Variants in KIRREL3 observed in about 807,000 individuals in gnomAD.
The protein encoded by KIRREL3 is kin of IRRE-like protein 3.
In KIRREL3, 36 loss-of-function variants were observed where a neutral mutation model predicts 89.7. The observed-to-expected ratio is 0.40, with a 90% confidence interval of 0.31 to 0.53. The LOEUF (loss-of-function observed/expected upper bound fraction) is 0.53, where lower values mean the gene tolerates loss of function less well. KIRREL3 is among the 20% of genes least tolerant of loss of function. KIRREL3 has a pLI of 0.49. For synonymous variants in KIRREL3, 445 were observed against 441.4 expected (o/e 1.01, Z -0.10); for missense variants, 864 against 1,056.6 (o/e 0.82, Z 2.53).
At chr11:127,002,472 C>CA (rs1173433237), upstream of KIRREL3, among the ~76,000 whole-genome samples, 1 of 152,168 alleles carries the variant, frequency 6.6e-6, no homozygotes, top group Non-Finnish European at 1.5e-5. Flanking sequence ...TGTAACAGAT[C>CA]ATGCAATAAA....
chr11:126,960,734 AT>A (rs373684901), intron 1 of KIRREL3, among the ~76,000 whole-genome samples: 30 of 151,054 alleles, frequency 2.0e-4, no homozygotes, highest in Middle Eastern at 3.5e-3. Flanking sequence ...TTATCAATGT[AT>A]TTTTTTTTCA....
At chr11:126,539,917 C>T (rs968722015) in intron 2 of KIRREL3, among the ~76,000 whole-genome samples, 1 of 152,210 alleles carries the variant, frequency 6.6e-6, no homozygotes, top group Non-Finnish European at 1.5e-5. Flanking sequence ...GTTGTTGTGA[C>T]TATCTAAGAG....
rs71048799 is a variant in KIRREL3 at position 126,692,544 on chromosome 11, CAAAAAAAAAAAAAAA to C, written c.56-129647_56-129633del. Among the ~76,000 whole-genome samples, 224 of 42,694 alleles carry C rather than the reference CAAAAAAAAAAAAAAA, an allele frequency of 5.2e-3. 3 individuals carry two copies. The highest frequency in any genetic ancestry group is 0.024 in the African/African-American group (215 of 8,922). The allele number at this position is 42,694 out of a possible 152,430, so 28.0% of individuals were successfully genotyped here. A position where few individuals can be genotyped will look rare whatever the true frequency, so the allele number is the denominator to read the frequency against. On this transcript the variant is annotated intron_variant, in intron 1 of 16. Coordinates refer to ENST00000525144, the MANE Select transcript of KIRREL3 (RefSeq NM_032531.4). ...TGGGTGACAGACCAAGACTCTGTCT[CAAAAAAAAAAAAAAA>C]AAAAAAAAAAAAAGGAGGTGGAAAC... is the stretch of plus-strand genomic sequence containing the variant.
rs1958510752 is a variant in KIRREL3, at chr11:126,519,118, C to G, written c.433+2197G>C. On this transcript the variant is annotated intron_variant, in intron 4 of 16. Coordinates refer to ENST00000525144, the MANE Select transcript of KIRREL3 (RefSeq NM_032531.4). The surrounding 1 kb of genome is among the most constrained non-coding windows in gnomAD (Gnocchi z 4.3). ...ATCTCCAGACTTGAATAAAACATCT[C>G]CCCCATACAAACCCAGCTCTGTGCC... Among the ~76,000 whole-genome samples, 1 of 152,214 alleles carries G rather than the reference C, an allele frequency of 6.6e-6. No individual in the cohort carries two copies. Among genetic ancestry groups the G allele is most frequent in the Non-Finnish European group, 1.5e-5 (1 of 68,032 alleles).
intron 2 of KIRREL3, among the ~76,000 whole-genome samples, chr11:126,559,004 A>G (rs949332785): frequency 3.9e-5 from 6 of 152,090 alleles, no homozygotes. Flanking sequence ...CTACTTAAAG[A>G]TGTCCTGAGA....
intron 1 of KIRREL3, among the ~76,000 whole-genome samples, chr11:126,700,054 C>T (rs893197438): frequency 6.6e-6 from 1 of 151,944 alleles, no homozygotes; most frequent in African/African-American, 2.4e-5. Context: ...ATTCATTGAG[C>T]GTGGTGGCTC....
intron 1 of KIRREL3, among the ~76,000 whole-genome samples, chr11:126,593,211 T>C (rs924528972): frequency 5.3e-5 from 8 of 152,248 alleles, no homozygotes; most frequent in Non-Finnish European, 8.8e-5. Context: ...TTCAGAGCAG[T>C]TCTCCCACAG....
rs953413186 is a variant in KIRREL3 at position 126,852,953 on chromosome 11, A to G, written c.55+147502T>C. On this transcript the variant is annotated intron_variant, in intron 1 of 16. Coordinates refer to ENST00000525144, the MANE Select transcript of KIRREL3 (RefSeq NM_032531.4). The stretch of plus-strand genomic sequence containing the variant: ...GAAGCTCTTTCTGTGTCATTTGCCG[A>G]GTTCCTTGGGATGTTATTTCTCCGG... 2.0e-5 allele frequency among the ~76,000 whole-genome samples: 3 copies of G among 152,156 alleles called. No individual in the cohort carries two copies. In the East Asian group the frequency reaches 5.8e-4, roughly 29 times the overall value.
Position 126,778,263 on chromosome 11 carries a change from T to C in KIRREL3, c.56-215351A>G, listed in dbSNP as rs1184431670. Among the ~76,000 whole-genome samples, 1 of 152,196 alleles carries C rather than the reference T, an allele frequency of 6.6e-6. No homozygotes were observed. Among genetic ancestry groups the C allele is most frequent in the Non-Finnish European group, 1.5e-5 (1 of 68,024 alleles). ...TATACACCTTGTTCTGTATCTTGCTTCTTCACTTAAAAATATTTTGGAAAC... is the reference window on the plus strand; with the variant it reads ...TATACACCTTGTTCTGTATCTTGCTCCTTCACTTAAAAATATTTTGGAAAC... On this transcript the variant is annotated intron_variant, in intron 1 of 16. Coordinates refer to ENST00000525144, the MANE Select transcript of KIRREL3 (RefSeq NM_032531.4). The surrounding 1 kb of genome is among the most constrained non-coding windows in gnomAD (Gnocchi z 4.5).
rs116629859 is a variant in KIRREL3 at position 126,965,388 on chromosome 11, G to A, written c.55+35067C>T. Among the ~76,000 whole-genome samples the A allele has an allele frequency of 6.5e-3, 985 of 152,304 alleles. 7 individuals are homozygous for A. The highest frequency in any genetic ancestry group is 0.022 in the African/African-American group (920 of 41,562). On this transcript the variant is annotated intron_variant, in intron 1 of 16. Transcript: ENST00000525144. The surrounding 1 kb of genome is among the most constrained non-coding windows in gnomAD (Gnocchi z 4.4). ...TCAACTCTTAAGAAGTGAAGAGTGT[G>A]TTAGTGGTCACTGGGAAGGAACAGA...
chr11:126,839,495 T>C (rs929885235), intron 1 of KIRREL3, among the ~76,000 whole-genome samples: 7 of 152,176 alleles, frequency 4.6e-5, no homozygotes, highest in African/African-American at 1.7e-4. Context: ...TGTGTATCAA[T>C]GCAGGAAATG....
At position 126,891,769 on chromosome 11, in the gene KIRREL3, GTCAGAC is replaced by G. The variant is rs1945933438; in HGVS notation, c.55+108680_55+108685del. 6.6e-6 allele frequency among the ~76,000 whole-genome samples: 1 copy of G among 152,218 alleles called. No homozygotes were observed. Among genetic ancestry groups the G allele is most frequent in the Non-Finnish European group, 1.5e-5 (1 of 68,040 alleles). On this transcript the variant is annotated intron_variant, in intron 1 of 16. Transcript: ENST00000525144. This position sits in a 1 kb window ranked among gnomAD's most constrained non-coding sequence, Gnocchi z 5.1. ...ATCCCTGGAGATGGGCAGGGCTGGGGTCAGACTCCGGTGACAGCAGCAGTGGACACA... is the reference window on the plus strand; with the variant it reads ...ATCCCTGGAGATGGGCAGGGCTGGGGTCCGGTGACAGCAGCAGTGGACACA...
intron 1 of KIRREL3, among the ~76,000 whole-genome samples, chr11:126,613,877 T>TG: frequency 2.4e-5 from 1 of 41,092 alleles, no homozygotes; most frequent in African/African-American, 6.1e-5. Context: ...GTTGCTTTTT[T>TG]TTTTTTTTTT....
intron 1 of KIRREL3, among the ~76,000 whole-genome samples, chr11:126,725,571 A>G (rs1437045506): frequency 6.6e-6 from 1 of 151,962 alleles, no homozygotes; most frequent in Non-Finnish European, 1.5e-5. Context: ...TTTTCTTCTG[A>G]GTGTGTTTGT....
intron 1 of KIRREL3, among the ~76,000 whole-genome samples, chr11:126,934,294 C>T (rs548992691): frequency 2.0e-5 from 3 of 152,200 alleles, no homozygotes; most frequent in South Asian, 4.1e-4. Flanking sequence ...TGGCCTCATA[C>T]CACAAGCACA....
chr11:126,798,875 T>C (rs956134564), intron 1 of KIRREL3, among the ~76,000 whole-genome samples: 2 of 152,244 alleles, frequency 1.3e-5, no homozygotes, highest in Non-Finnish European at 2.9e-5. Flanking sequence ...TCTGTGATTT[T>C]AATCATGCTG....
intron 1 of KIRREL3, among the ~76,000 whole-genome samples, chr11:126,749,457 G>A (rs559317661): frequency 7.9e-5 from 12 of 152,224 alleles, no homozygotes; most frequent in Non-Finnish European, 1.6e-4. Flanking sequence ...ATCCTCGCCG[G>A]TTTGCTCCTG....
chr11:126,932,819 C>T (rs1274320842), intron 1 of KIRREL3, among the ~76,000 whole-genome samples: 1 of 152,208 alleles, frequency 6.6e-6, no homozygotes. Context: ...GTTTCTCTTC[C>T]TATGGAGTTA....
intron 1 of KIRREL3, among the ~76,000 whole-genome samples, chr11:126,819,733 A>G (rs1592173174): frequency 6.6e-6 from 1 of 152,230 alleles, no homozygotes; most frequent in Non-Finnish European, 1.5e-5. Flanking sequence ...AGAGGATTGT[A>G]CCTGCAGATA....
Sources: gnomAD v4.1 joint callset for allele counts (sites outside exome capture counted in the v4.1 genomes callset) on GRCh38, gnomAD v4.1.1 for gene constraint, Gnocchi (gnomAD v3.1) non-coding constraint, MANE v1.5 for transcripts, NCBI Gene and HGNC (gene_info 2026-07-23, HGNC 2026-07-21) for gene names.